The following MTSS1 variants were observed in gnomAD, a reference collection of about 807,000 sequenced individuals.
MTSS1 encodes MTSS I-BAR domain containing 1.
A neutral mutation model predicts 79.0 loss-of-function variants in MTSS1; 18 were observed. That is an observed-to-expected ratio of 0.23 (90% CI 0.16 to 0.34). MTSS1 has a LOEUF of 0.34. Ranked by LOEUF, MTSS1 falls within the 10% of genes least tolerant of loss-of-function variation. MTSS1 has a pLI of 1.00. For missense variants in MTSS1, 815 were observed against 986.2 expected (o/e 0.83, Z 2.33); for synonymous variants, 341 against 368.6 (o/e 0.93, Z 0.86).
chr8:124,553,183 T>A lies in MTSS1; in HGVS notation c.2077A>T (p.Ser693Cys). The change falls in exon 14 of 14, where the codon AGT becomes TGT. Residue 693 changes from serine (S) to cysteine (C), a missense_variant. Ser to Cys is a moderately radical substitution (Grantham distance 112, BLOSUM62 -1). Around this residue, in one of 2 missense-constraint regions of MTSS1, gnomAD observed 590 missense variants for 620.8 expected, o/e 0.95. Transcript: ENST00000518547. This position sits in a 1 kb window ranked among gnomAD's most constrained non-coding sequence, Gnocchi z 6.0. ...PEEHRQAIPESEAEDQEREPP... is the reference protein window; with the variant it reads ...PEEHRQAIPECEAEDQEREPP... ...TCCCGTTCCTGGTCTTCAGCTTCAC[T>A]TTCTGGAATTGCCTGTCTGTGCTCC... 10 of 1,614,150 alleles carry A rather than the reference T, an allele frequency of 6.2e-6. No individual in the cohort carries two copies. Among genetic ancestry groups the A allele is most frequent in the Non-Finnish European group, 8.5e-6 (10 of 1,180,034 alleles).
intron 1 of MTSS1, among the ~76,000 whole-genome samples, chr8:124,707,237 G>T (rs1830501524): frequency 1.3e-5 from 2 of 151,900 alleles, no homozygotes; most frequent in South Asian, 2.1e-4. Flanking sequence ...TTATTAAGAC[G>T]ATCAAAGTAT....
intron 1 of MTSS1, among the ~76,000 whole-genome samples, chr8:124,718,506 C>A (rs1011587863): frequency 6.6e-6 from 1 of 152,094 alleles, no homozygotes; most frequent in African/African-American, 2.4e-5. Flanking sequence ...TTCAGGCCCT[C>A]GATCACATCC....
Position 124,700,138 on chromosome 8 carries a change from CA to C in MTSS1, c.135-540del, listed in dbSNP as rs35425469. Reference sequence around the variant, plus strand: ...TAGGTGACAGAGCAAGACTCTGCCTCAAAAAAAAAAAGAAAAAAGAAACACC... The same window carrying C: ...TAGGTGACAGAGCAAGACTCTGCCTCAAAAAAAAAAGAAAAAAGAAACACC... On this transcript the variant is annotated intron_variant, in intron 2 of 13. Coordinates refer to ENST00000518547, the MANE Select transcript of MTSS1 (RefSeq NM_014751.6). 3.3e-3 allele frequency among the ~76,000 whole-genome samples: 442 copies of C among 135,878 alleles called. 5 individuals carry two copies. Among genetic ancestry groups the C allele is most frequent in the African/African-American group, 0.011 (394 of 36,784 alleles). The allele number at this position is 135,878 out of a possible 152,430, so 89.1% of individuals were successfully genotyped here. A position where few individuals can be genotyped will look rare whatever the true frequency, so the allele number is the denominator to read the frequency against.
rs188710929 is a variant in MTSS1 at position 124,614,671 on chromosome 8, A to G, written c.209-23436T>C. Among the ~76,000 whole-genome samples, 5 of 152,352 alleles carry G rather than the reference A, an allele frequency of 3.3e-5. No individual in the cohort carries two copies. The South Asian group carries it at 8.3e-4, about 25-fold the overall frequency. On this transcript the variant is annotated intron_variant, in intron 3 of 13. Transcript: ENST00000518547. ...CAAACTTAATCCATTATATACCCGC[A>G]TCAGATGCTACTGAACCTGACCATG...
chr8:124,662,112 T>C (rs1359580491), intron 3 of MTSS1, among the ~76,000 whole-genome samples: 1 of 152,200 alleles, frequency 6.6e-6, no homozygotes. Context: ...TTAGATCTAT[T>C]GATCGCATGT....
At chr8:124,672,861 G>A (rs1824521740) in intron 3 of MTSS1, among the ~76,000 whole-genome samples, 1 of 148,906 alleles carries the variant, frequency 6.7e-6, no homozygotes, top group African/African-American at 2.5e-5. Context: ...ACACACATAT[G>A]CACACACACA....
At chr8:124,689,714 C>T (rs1167045290) in intron 3 of MTSS1, among the ~76,000 whole-genome samples, 3 of 146,856 alleles carry the variant, frequency 2.0e-5, no homozygotes, top group Non-Finnish European at 4.4e-5. Context: ...CCATTGCACT[C>T]CAGCCTGGGC....
intron 3 of MTSS1, among the ~76,000 whole-genome samples, chr8:124,600,624 A>G (rs1408035038): frequency 6.6e-6 from 1 of 152,248 alleles, no homozygotes; most frequent in African/African-American, 2.4e-5. Flanking sequence ...CGGAGTAAGT[A>G]AATGTGGCTG....
chr8:124,553,310 C>T lies in MTSS1; in HGVS notation c.1950G>A (p.Val650=). The T allele has an allele frequency of 6.2e-7, 1 of 1,614,148 alleles. No homozygotes were observed. The highest frequency in any genetic ancestry group is 8.5e-7 in the Non-Finnish European group (1 of 1,180,012). Residue 650 remains valine (V), a synonymous_variant, in exon 14 of 14, where the codon GTG becomes GTA. Coordinates refer to ENST00000518547, the MANE Select transcript of MTSS1 (RefSeq NM_014751.6). The surrounding 1 kb of genome is among the most constrained non-coding windows in gnomAD (Gnocchi z 6.0). Reference sequence around the variant, plus strand: ...TGGTGACACCTTGGGGGCCCTCACCCACAGATGGCGACTCAGGGCTGTGCT... The same window carrying T: ...TGGTGACACCTTGGGGGCCCTCACCTACAGATGGCGACTCAGGGCTGTGCT... The part of the protein sequence containing the change: ...RGEHSPESPS[V]GEGPQGVTSM...
chr8:124,723,481 C>G (rs1588006814), intron 1 of MTSS1, among the ~76,000 whole-genome samples: 1 of 147,220 alleles, frequency 6.8e-6, no homozygotes, highest in African/African-American at 2.5e-5. Context: ...AAAAATTTGA[C>G]TAAATAGTAA....
intron 3 of MTSS1, among the ~76,000 whole-genome samples, chr8:124,676,461 G>C (rs539877587): frequency 6.6e-6 from 1 of 152,330 alleles, no homozygotes; most frequent in East Asian, 1.9e-4. Flanking sequence ...ACCATCCAAA[G>C]ACTCTGAGCT....
Position 124,601,002 on chromosome 8 carries a change from G to A in MTSS1, c.209-9767C>T, listed in dbSNP as rs151296373. ...CCCACCCCTTCAAAACAGGAAGGCC[G>A]TTGCCCTTGGCTGAACAGCTTTTTA... is the stretch of plus-strand genomic sequence containing the variant. On this transcript the variant is annotated intron_variant, in intron 3 of 13. Transcript: ENST00000518547. Among the ~76,000 whole-genome samples the A allele has an allele frequency of 6.9e-4, 104 of 151,238 alleles. 1 individual carries two copies. Among genetic ancestry groups the A allele is most frequent in the East Asian group, 1.4e-3 (7 of 5,156 alleles).
chr8:124,618,734 C>T (rs1292753679), intron 3 of MTSS1, among the ~76,000 whole-genome samples: 5 of 152,192 alleles, frequency 3.3e-5, no homozygotes, highest in South Asian at 2.1e-4. Context: ...TCTGCTCATC[C>T]ACAGTACAAC....
At chr8:124,703,185 A>G (rs1187390464) in intron 2 of MTSS1, among the ~76,000 whole-genome samples, 3 of 152,156 alleles carry the variant, frequency 2.0e-5, no homozygotes, top group African/African-American at 4.8e-5. Flanking sequence ...TTTTCACCCT[A>G]TCCCCAAGCA....
In MTSS1 at chr8:124,550,934, A is replaced by G. The variant is rs541167994; in HGVS notation, c.*2058T>C. On this transcript the variant is annotated 3_prime_UTR_variant, in exon 14 of 14. Coordinates refer to ENST00000518547, the MANE Select transcript of MTSS1 (RefSeq NM_014751.6). Reference sequence around the variant, plus strand: ...CAACTCTCAGTACAAACTAGCAACTAAAGCACAATAATTTACTGTTAGAAA... The same window carrying G: ...CAACTCTCAGTACAAACTAGCAACTGAAGCACAATAATTTACTGTTAGAAA... 3.5e-4 allele frequency: 54 copies of G among 152,800 alleles called. No homozygotes were observed. The highest frequency in any genetic ancestry group is 1.2e-3 in the African/African-American group (49 of 41,596). 9.5% of individuals were successfully genotyped at this position (152,800 alleles called of 1,614,324 possible).
At chr8:124,694,146 G>A (rs1828409350) in intron 3 of MTSS1, among the ~76,000 whole-genome samples, 1 of 152,026 alleles carries the variant, frequency 6.6e-6, no homozygotes, top group South Asian at 2.1e-4. Context: ...ATCAAAATGG[G>A]ATCAAAATGG....
rs1822763767 is a variant in MTSS1, at chr8:124,552,962, T to G, written c.*30A>C. ...AATTAGGTTTTATTAATGAAACAGT[T>G]CATTCCCCACCGGCGCATTTCTTGT... On this transcript the variant is annotated 3_prime_UTR_variant, in exon 14 of 14. Coordinates refer to ENST00000518547, the MANE Select transcript of MTSS1 (RefSeq NM_014751.6). 3 of 1,597,196 alleles carry G rather than the reference T, an allele frequency of 1.9e-6. No homozygotes were observed. Among genetic ancestry groups the G allele is most frequent in the Admixed American group, 3.4e-5 (2 of 59,172 alleles).
chr8:124,718,741 G>C (rs1832483899), intron 1 of MTSS1, among the ~76,000 whole-genome samples: 1 of 152,166 alleles, frequency 6.6e-6, no homozygotes, highest in South Asian at 2.1e-4. Flanking sequence ...TCGGGGTGCA[G>C]AGTGGTTACT....
intron 3 of MTSS1, among the ~76,000 whole-genome samples, chr8:124,656,694 C>T (rs1008378426): frequency 6.1e-5 from 9 of 147,054 alleles, no homozygotes; most frequent in African/African-American, 2.3e-4. Context: ...AGGAGAATTG[C>T]TTGAACCCAG....
Sources: allele counts gnomAD v4.1 joint callset (sites outside exome capture counted in the v4.1 genomes callset), GRCh38; gene constraint gnomAD v4.1.1; regional missense constraint gnomAD v4.1.1; non-coding constraint Gnocchi (gnomAD v3.1); transcripts MANE v1.5; gene names NCBI Gene and HGNC (gene_info 2026-07-23, HGNC 2026-07-21).